OXCT1: variants seen among roughly 807,000 people sequenced by gnomAD.
OXCT1 encodes the protein 3-oxoacid CoA-transferase 1.
Under a neutral mutation model 69.6 loss-of-function variants are expected in OXCT1, and 27 were observed. The observed-to-expected ratio is 0.39, with a 90% CI of 0.29 to 0.54. The LOEUF is 0.54. OXCT1 is among the 20% of genes least tolerant of loss of function. The pLI, the probability that OXCT1 is intolerant of heterozygous loss-of-function variation, is 0.72. For synonymous variants in OXCT1, 202 were observed against 217.8 expected, an observed-to-expected ratio of 0.93 and a Z score of 0.64; for missense variants, 437 against 650.2, an observed-to-expected ratio of 0.67 and a Z score of 3.57.
intron 1 of OXCT1, among the ~76,000 whole-genome samples, chr5:41,866,510 T>A (rs1749982681): frequency 6.6e-6 from 1 of 152,144 alleles, no homozygotes; most frequent in Admixed American, 6.5e-5. Flanking sequence ...ATACACGTTA[T>A]AAAGAAAAGG....
chr5:41,840,777 C>T (rs1368620040), intron 6 of OXCT1, among the ~76,000 whole-genome samples: 1 of 151,918 alleles, frequency 6.6e-6, no homozygotes, highest in African/African-American at 2.4e-5. Flanking sequence ...CAACATATAG[C>T]TACAACAAAA....
intron 13 of OXCT1, among the ~76,000 whole-genome samples, chr5:41,778,210 T>C (rs1188295025): frequency 6.6e-6 from 1 of 152,244 alleles, no homozygotes; most frequent in East Asian, 1.9e-4. Context: ...GTAAAAAAGT[T>C]ACAGATGGAA....
At chr5:41,834,209 CT>C in intron 7 of OXCT1, among the ~76,000 whole-genome samples, 1 of 151,432 alleles carries the variant, frequency 6.6e-6, no homozygotes. Context: ...GAAAAATCAC[CT>C]TCACTAGAAG....
intron 7 of OXCT1, among the ~76,000 whole-genome samples, chr5:41,820,754 A>C (rs1302665790): frequency 1.3e-5 from 2 of 152,068 alleles, no homozygotes; most frequent in Non-Finnish European, 2.9e-5. Context: ...CCTGACCCAA[A>C]TGTCCCTAGA....
chr5:41,820,901 C>T (rs889414184), intron 7 of OXCT1, among the ~76,000 whole-genome samples: 1 of 152,132 alleles, frequency 6.6e-6, no homozygotes, highest in Admixed American at 6.5e-5. Flanking sequence ...GCCATACACT[C>T]GCAGCAAACC....
chr5:41,748,827 T>C (rs1208114492), intron 15 of OXCT1, among the ~76,000 whole-genome samples: 1 of 152,076 alleles, frequency 6.6e-6, no homozygotes, highest in Non-Finnish European at 1.5e-5. Context: ...TTGTGGCTTC[T>C]TCAAGGTACT....
At chr5:41,759,589 G>A (rs771544853) in intron 14 of OXCT1, among the ~76,000 whole-genome samples, 2 of 152,082 alleles carry the variant, frequency 1.3e-5, no homozygotes, top group East Asian at 1.9e-4. Context: ...AGCAGCACCC[G>A]TAGGTAGCCA....
rs767268812 is a variant in OXCT1, at chr5:41,853,466, C to G, written c.367G>C (p.Glu123Gln). The change falls in exon 4 of 17, where the codon GAA (glutamate) becomes CAA (glutamine). Residue 123 changes from glutamate to glutamine, a missense_variant. This residue lies in a region of OXCT1 where 252 missense variants were observed against 397.4 expected (regional missense o/e 0.63). Coordinates refer to ENST00000196371, the MANE Select transcript of OXCT1 (RefSeq NM_000436.4). ...AATTCACCAGATAAGTACTGTCGTT[C>G]AAATTCTGCATTTTCTCCCACATAT... ...SSYVGENAEF[E>Q]RQYLSGELEV... is the part of the protein sequence containing the mutation. 1 of 1,613,742 alleles carries G rather than the reference C, an allele frequency of 6.2e-7. No homozygotes were observed. Among genetic ancestry groups the G allele is most frequent in the Non-Finnish European group, 8.5e-7 (1 of 1,179,828 alleles).
chr5:41,840,098 G>T (rs1409532241), intron 7 of OXCT1, among the ~76,000 whole-genome samples: 1 of 152,200 alleles, frequency 6.6e-6, no homozygotes, highest in African/African-American at 2.4e-5. Flanking sequence ...GTAAGATCAT[G>T]AACTTCTTCT....
chr5:41,834,345 A>T (rs1259136974), intron 7 of OXCT1, among the ~76,000 whole-genome samples: 1 of 152,110 alleles, frequency 6.6e-6, no homozygotes, highest in Non-Finnish European at 1.5e-5. Flanking sequence ...TAAACTCTCC[A>T]ATAAGACACA....
chr5:41,808,616 T>C (rs1029424362), intron 7 of OXCT1, among the ~76,000 whole-genome samples: 3 of 152,078 alleles, frequency 2.0e-5, no homozygotes, highest in African/African-American at 4.8e-5. Context: ...TCAGAAAATA[T>C]GTCGGCATCC....
chr5:41,843,461 C>A (rs1468500678), intron 5 of OXCT1: 6 of 440,492 alleles, frequency 1.4e-5, no homozygotes, highest in Non-Finnish European at 2.3e-5. Flanking sequence ...TTGCTCCTAT[C>A]TACTCTTCTG....
intron 13 of OXCT1, among the ~76,000 whole-genome samples, chr5:41,768,956 G>A (rs1014400667): frequency 6.6e-6 from 1 of 152,084 alleles, no homozygotes; most frequent in South Asian, 2.1e-4. Context: ...GCCAGGAATA[G>A]TGAGTTGCTT....
At chr5:41,744,799 G>A (rs908963592) in intron 15 of OXCT1, among the ~76,000 whole-genome samples, 1 of 151,852 alleles carries the variant, frequency 6.6e-6, no homozygotes, top group Admixed American at 6.6e-5. Context: ...CAGACTTTAA[G>A]CCAACAAAGA....
intron 3 of OXCT1, 23 bp downstream of exon 3, chr5:41,861,291 T>G: frequency 6.9e-7 from 1 of 1,451,974 alleles, no homozygotes; most frequent in Non-Finnish European, 9.7e-7. Flanking sequence ...CTCCAGCCAA[T>G]TGTTTTTAAA....
chr5:41,862,974 C>T (rs1749812013), intron 1 of OXCT1, among the ~76,000 whole-genome samples: 1 of 151,574 alleles, frequency 6.6e-6, no homozygotes, highest in Non-Finnish European at 1.5e-5. Context: ...GATAGTAGAC[C>T]CCCCTTATCC....
intron 9 of OXCT1, among the ~76,000 whole-genome samples, chr5:41,803,662 C>A (rs1746527542): frequency 6.6e-6 from 1 of 151,978 alleles, no homozygotes; most frequent in Non-Finnish European, 1.5e-5. Context: ...TCCTTTGGGT[C>A]TCTATAGTAA....
Position 41,762,266 on chromosome 5 carries a change from A to G in OXCT1, c.1249-66T>C. The G allele has an allele frequency of 7.9e-7, 1 of 1,260,654 alleles. No homozygotes were observed. The highest frequency in any genetic ancestry group is 1.2e-6 in the Non-Finnish European group (1 of 857,358). The allele number at this position is 1,260,654 out of a possible 1,614,324, so 78.1% of individuals were successfully genotyped here. A position where few individuals can be genotyped will look rare whatever the true frequency, so the allele number is the denominator to read the frequency against. On this transcript the variant is annotated intron_variant, in intron 13 of 16. Transcript: ENST00000196371. The surrounding 1 kb of genome is among the most constrained non-coding windows in gnomAD (Gnocchi z 4.0). ...TTTTGTATGTGACAGAACAAAATTAACTTGCAAAAATAAGCTACTAGAATC... is the reference window on the plus strand; with the variant it reads ...TTTTGTATGTGACAGAACAAAATTAGCTTGCAAAAATAAGCTACTAGAATC...
chr5:41,808,466 G>A (rs1392047883), intron 7 of OXCT1, among the ~76,000 whole-genome samples: 1 of 152,042 alleles, frequency 6.6e-6, no homozygotes, highest in Non-Finnish European at 1.5e-5. Flanking sequence ...TCCTCCTACA[G>A]TGCAAGAATA....
Sources: gnomAD v4.1 joint callset for allele counts (sites outside exome capture counted in the v4.1 genomes callset) on GRCh38, gnomAD v4.1.1 for gene constraint, gnomAD v4.1.1 regional missense constraint, Gnocchi (gnomAD v3.1) non-coding constraint, MANE v1.5 for transcripts, NCBI Gene and HGNC (gene_info 2026-07-23, HGNC 2026-07-21) for gene names.